The following COMMD10 variants were observed in gnomAD, a reference collection of about 807,000 sequenced individuals.
The protein encoded by COMMD10 is COMM domain containing 10.
In COMMD10, 33 loss-of-function variants were observed where a neutral mutation model predicts 28.9. The observed-to-expected ratio is 1.14, with a 90% CI of 0.87 to 1.53. The LOEUF (loss-of-function observed/expected upper bound fraction) is 1.53. COMMD10 is among the 40% of genes most tolerant of loss of function. The probability of loss-of-function intolerance (pLI) is 0.00; values close to 1 mark genes in which losing one functional copy is unlikely to be tolerated. For synonymous variants in COMMD10, 110 were observed against 81.7 expected (o/e 1.35, Z -1.87); for missense variants, 310 against 233.4 (o/e 1.33, Z -2.14).
At chr5:116,143,928 T>C (rs2112541237) in intron 5 of COMMD10, among the ~76,000 whole-genome samples, 1 of 151,988 alleles carries the variant, frequency 6.6e-6, no homozygotes, top group East Asian at 1.9e-4. Flanking sequence ...GTTTGATGAC[T>C]AGTACAAAGG....
At chr5:116,257,852 G>T (rs1215317448) in intron 5 of COMMD10, among the ~76,000 whole-genome samples, 1 of 151,660 alleles carries the variant, frequency 6.6e-6, no homozygotes, top group South Asian at 2.1e-4. Flanking sequence ...AAGATTTTGT[G>T]GTCATCTGAA....
chr5:116,139,202 T>C lies in COMMD10; in HGVS notation c.510+5024T>C, dbSNP rs150063740. 3.5e-3 allele frequency among the ~76,000 whole-genome samples: 539 copies of C among 151,888 alleles called. 3 individuals carry two copies. Among genetic ancestry groups the C allele is most frequent in the Non-Finnish European group, 4.6e-3 (310 of 67,718 alleles). Reference sequence around the variant, plus strand: ...CATAGGATTATCGTTACATGGACTCTAGATTTAATTTTTCTTTCCCCTTTA... The same window carrying C: ...CATAGGATTATCGTTACATGGACTCCAGATTTAATTTTTCTTTCCCCTTTA... On this transcript the variant is annotated intron_variant, in intron 5 of 6. Coordinates refer to ENST00000274458, the MANE Select transcript of COMMD10 (RefSeq NM_016144.4).
chr5:116,205,433 T>C (rs959442498), intron 5 of COMMD10, among the ~76,000 whole-genome samples: 2 of 152,226 alleles, frequency 1.3e-5, no homozygotes, highest in African/African-American at 4.8e-5. Context: ...AATCATTCTT[T>C]ACCTGGAGGA....
chr5:116,092,515 C>T (rs772636021), intron 3 of COMMD10, 30 bp from the exon 4 acceptor site: 1 of 1,504,862 alleles, frequency 6.6e-7, no homozygotes, highest in Admixed American at 2.1e-5. Flanking sequence ...AGATGAGGGA[C>T]ATATGTAATT....
intron 5 of COMMD10, among the ~76,000 whole-genome samples, chr5:116,204,097 C>T (rs911543844): frequency 6.6e-6 from 1 of 151,986 alleles, no homozygotes; most frequent in Non-Finnish European, 1.5e-5. Flanking sequence ...ATCCTAGTCT[C>T]TGATAAAACA....
At chr5:116,228,068 T>C (rs1749441425) in intron 5 of COMMD10, among the ~76,000 whole-genome samples, 1 of 152,070 alleles carries the variant, frequency 6.6e-6, no homozygotes, top group Non-Finnish European at 1.5e-5. Context: ...ATTTTTTTCA[T>C]TGCAGCAGTG....
At chr5:116,087,422 C>A in intron 1 of COMMD10, 75 bp from the exon 2 acceptor site, 1 of 891,374 alleles carries the variant, frequency 1.1e-6, no homozygotes, top group Non-Finnish European at 1.9e-6. Context: ...GGAATGAAAA[C>A]TTATAGACAA....
chr5:116,257,226 T>A (rs1482659894), intron 5 of COMMD10, among the ~76,000 whole-genome samples: 1 of 151,658 alleles, frequency 6.6e-6, no homozygotes, highest in African/African-American at 2.4e-5. Context: ...TTTCTACTTG[T>A]AGTGTCATGT....
intron 5 of COMMD10, among the ~76,000 whole-genome samples, chr5:116,279,627 T>C (rs903647843): frequency 1.3e-5 from 2 of 151,860 alleles, no homozygotes; most frequent in African/African-American, 4.9e-5. Context: ...GTATATTCAC[T>C]GGACTAACTT....
intron 5 of COMMD10, among the ~76,000 whole-genome samples, chr5:116,239,585 G>A (rs1185761797): frequency 1.3e-5 from 2 of 152,106 alleles, no homozygotes; most frequent in South Asian, 4.1e-4. Context: ...GCCTTTGCAG[G>A]TAATGCCAAC....
intron 5 of COMMD10, among the ~76,000 whole-genome samples, chr5:116,140,231 A>ATATGTGTGTGTGTGTGTGTG (rs569669796): frequency 2.0e-5 from 3 of 146,990 alleles, no homozygotes; most frequent in African/African-American, 7.6e-5. Flanking sequence ...TCATACTACT[A>ATATGTGTGTGTGTGTGTGTG]TGTGTGTGTG....
rs1336834978 is a variant in COMMD10, at chr5:116,270,960, A to G, written c.511-20557A>G. Among the ~76,000 whole-genome samples the G allele has an allele frequency of 2.7e-5, 4 of 150,146 alleles. No individual in the cohort carries two copies. The East Asian group carries it at 7.8e-4, about 29-fold the overall frequency. On this transcript the variant is annotated intron_variant, in intron 5 of 6. Transcript: ENST00000274458. The stretch of plus-strand genomic sequence containing the variant: ...CTCAAAAAATAATAATAAAGATTAT[A>G]TATAAATAAATAAAATCACACCATT...
In COMMD10 at chr5:116,213,595, G is replaced by GT. The variant is rs1233671796; in HGVS notation, c.511-77920dup. Among the ~76,000 whole-genome samples, 4 of 152,186 alleles carry GT rather than the reference G, an allele frequency of 2.6e-5. No homozygotes were observed. In the East Asian group the frequency reaches 7.7e-4, roughly 29 times the overall value. On this transcript the variant is annotated intron_variant, in intron 5 of 6. Coordinates refer to ENST00000274458, the MANE Select transcript of COMMD10 (RefSeq NM_016144.4). ...TTTTCAAGTCTGTAACCCATGAAAGGTTAAGGACCAACGGATTTATAACCT... is the reference window on the plus strand; with the variant it reads ...TTTTCAAGTCTGTAACCCATGAAAGGTTTAAGGACCAACGGATTTATAACCT...
chr5:116,126,999 TAGG>T (rs1459899391), intron 4 of COMMD10, among the ~76,000 whole-genome samples: 2 of 152,076 alleles, frequency 1.3e-5, no homozygotes, highest in Non-Finnish European at 2.9e-5. Context: ...ACCTACAGAA[TAGG>T]AGAAAATTTT....
chr5:116,132,526 A>G (rs908526946), intron 4 of COMMD10, among the ~76,000 whole-genome samples: 1 of 152,134 alleles, frequency 6.6e-6, no homozygotes, highest in Non-Finnish European at 1.5e-5. Context: ...GTTTTAATTT[A>G]TTCACTTGAT....
intron 5 of COMMD10, among the ~76,000 whole-genome samples, chr5:116,209,644 G>C (rs1043782029): frequency 6.6e-6 from 1 of 152,098 alleles, no homozygotes; most frequent in African/African-American, 2.4e-5. Flanking sequence ...AAAAGCCAAC[G>C]TATAAAATTC....
chr5:116,146,629 A>G (rs935840378), intron 5 of COMMD10, among the ~76,000 whole-genome samples: 2 of 151,940 alleles, frequency 1.3e-5, no homozygotes, highest in Non-Finnish European at 2.9e-5. Flanking sequence ...TTTAAATAAG[A>G]TTTTAAGCAT....
Position 116,232,175 on chromosome 5 carries a change from A to G in COMMD10, c.511-59342A>G, listed in dbSNP as rs185076782. 7.9e-5 allele frequency among the ~76,000 whole-genome samples: 12 copies of G among 152,296 alleles called. No homozygotes were observed. In the East Asian group the frequency reaches 2.1e-3, roughly 27 times the overall value. ...TGTATCAATTTCAGAAGTCCAAGTT[A>G]CATTTGGGTTTATTGTTTATCCAGC... is the stretch of plus-strand genomic sequence containing the variant. On this transcript the variant is annotated intron_variant, in intron 5 of 6. Coordinates refer to ENST00000274458, the MANE Select transcript of COMMD10 (RefSeq NM_016144.4).
intron 5 of COMMD10, among the ~76,000 whole-genome samples, chr5:116,274,570 T>G (rs1232752699): frequency 1.3e-5 from 2 of 151,866 alleles, no homozygotes; most frequent in African/African-American, 2.4e-5. Context: ...TCTGTTCAGC[T>G]GGGCTTGGCT....
Sources: gnomAD v4.1 joint callset for allele counts (sites outside exome capture counted in the v4.1 genomes callset) on GRCh38, gnomAD v4.1.1 for gene constraint, MANE v1.5 for transcripts, NCBI Gene and HGNC (gene_info 2026-07-23, HGNC 2026-07-21) for gene names.